Variants in ARHGAP26 observed in about 807,000 individuals in gnomAD.
ARHGAP26 encodes the protein Rho GTPase activating protein 26.
In ARHGAP26, 38 loss-of-function variants were observed where a neutral mutation model predicts 104.8. The observed-to-expected ratio is 0.36, with a 90% CI of 0.28 to 0.48. The LOEUF is 0.48. Ranked by LOEUF, ARHGAP26 falls within the 20% of genes least tolerant of loss-of-function variation. The probability of loss-of-function intolerance (pLI) is 0.99; values close to 1 mark genes in which losing one functional copy is unlikely to be tolerated. For missense variants in ARHGAP26, 704 were observed against 947.9 expected (o/e 0.74, Z 3.38); for synonymous variants, 341 against 340.0 (o/e 1.00, Z -0.03).
At chr5:142,975,730 G>A (rs114016711) in intron 11 of ARHGAP26, among the ~76,000 whole-genome samples, 3,552 of 152,120 alleles carry the variant, frequency 0.023, 60 homozygotes, top group Middle Eastern at 0.051. Context: ...ATTACCCAGC[G>A]TCCCTGAGAT....
At chr5:142,955,302 A>G (rs1380855110) in intron 11 of ARHGAP26, among the ~76,000 whole-genome samples, 1 of 151,908 alleles carries the variant, frequency 6.6e-6, no homozygotes, top group East Asian at 1.9e-4. Flanking sequence ...CCCTGTCTCA[A>G]AAAAAAAATT....
Position 142,871,304 on chromosome 5 carries a change from A to T in ARHGAP26, c.155-2096A>T, listed in dbSNP as rs951394934. Among the ~76,000 whole-genome samples the T allele has an allele frequency of 1.3e-5, 2 of 152,166 alleles. No individual in the cohort carries two copies. The highest frequency in any genetic ancestry group is 2.9e-5 in the Non-Finnish European group (2 of 68,034). ...CCTCACAAAGGCCCCGTTGTGCATG[A>T]CCAGCCACTCCCTGATCCTCCTGGC... On this transcript the variant is annotated intron_variant, in intron 1 of 22. Coordinates refer to ENST00000645722, the MANE Select transcript of ARHGAP26 (RefSeq NM_001135608.3). The surrounding 1 kb of genome is among the most constrained non-coding windows in gnomAD (Gnocchi z 4.1).
At chr5:143,038,719 CAG>C (rs1467452436) in intron 13 of ARHGAP26, among the ~76,000 whole-genome samples, 3 of 78,132 alleles carry the variant, frequency 3.8e-5, no homozygotes, top group South Asian at 9.4e-4. Context: ...TTTTTTGAGA[CAG>C]AGTCTCTTTC....
At chr5:143,031,158 G>A (rs1051856922) in intron 12 of ARHGAP26, among the ~76,000 whole-genome samples, 2 of 152,242 alleles carry the variant, frequency 1.3e-5, no homozygotes, top group African/African-American at 4.8e-5. Context: ...GTGTGGCTAG[G>A]TGCTCAGAGC....
intron 11 of ARHGAP26, among the ~76,000 whole-genome samples, chr5:142,970,092 A>T (rs1305164695): frequency 6.6e-6 from 1 of 152,232 alleles, no homozygotes; most frequent in Non-Finnish European, 1.5e-5. Flanking sequence ...TGTTAAGCAG[A>T]TGAACAGGGT....
intron 12 of ARHGAP26, among the ~76,000 whole-genome samples, chr5:143,031,062 G>A (rs1448206347): frequency 6.6e-6 from 1 of 152,262 alleles, no homozygotes; most frequent in Non-Finnish European, 1.5e-5. Flanking sequence ...GGTAATGTGA[G>A]TTGGGAGCCA....
chr5:142,830,586 G>T (rs1342027638), intron 1 of ARHGAP26, among the ~76,000 whole-genome samples: 2 of 152,120 alleles, frequency 1.3e-5, no homozygotes, highest in African/African-American at 4.8e-5. Context: ...ATATAGCTGT[G>T]CAGGTGGATA....
chr5:142,956,545 C>T (rs1769277497), intron 11 of ARHGAP26, among the ~76,000 whole-genome samples: 2 of 152,140 alleles, frequency 1.3e-5, no homozygotes, highest in South Asian at 4.1e-4. Flanking sequence ...CCACTCCATT[C>T]CAGCCTGGGT....
intron 10 of ARHGAP26, among the ~76,000 whole-genome samples, chr5:142,918,482 A>G (rs369094483): frequency 2.6e-5 from 4 of 152,174 alleles, no homozygotes; most frequent in African/African-American, 4.8e-5. Flanking sequence ...ATTTCTAGAA[A>G]TCTACTTTTA....
At position 143,226,784 on chromosome 5, in the gene ARHGAP26, G is replaced by A. The variant is rs182830496; in HGVS notation, c.*4338G>A. ...CATTTCCTCTCACCGAGTGCTTTTC[G>A]GTGAGAGGCAAAGAGAAAGAATGAA... On this transcript the variant is annotated 3_prime_UTR_variant, in exon 23 of 23. Coordinates refer to ENST00000645722, the MANE Select transcript of ARHGAP26 (RefSeq NM_001135608.3). The A allele has an allele frequency of 7.6e-3, 1,676 of 219,502 alleles. 9 individuals are homozygous for A. The highest frequency in any genetic ancestry group is 0.012 in the Non-Finnish European group (1,285 of 109,546). The allele number at this position is 219,502 out of a possible 1,614,324, so 13.6% of individuals were successfully genotyped here. A position where few individuals can be genotyped will look rare whatever the true frequency, so the allele number is the denominator to read the frequency against.
chr5:142,888,633 C>T (rs185231484), intron 5 of ARHGAP26, among the ~76,000 whole-genome samples: 1 of 152,328 alleles, frequency 6.6e-6, no homozygotes, highest in East Asian at 1.9e-4. Context: ...CAGCCCATCC[C>T]TAGATCCCTG....
intron 5 of ARHGAP26, among the ~76,000 whole-genome samples, chr5:142,890,152 AT>A (rs1452160045): frequency 0.077 from 1,668 of 21,768 alleles, 164 homozygotes; most frequent in African/African-American, 0.17. Context: ...AAAAAAAAAA[AT>A]ATATATATAT....
intron 1 of ARHGAP26, among the ~76,000 whole-genome samples, chr5:142,857,508 A>C (rs551519898): frequency 6.6e-6 from 1 of 152,138 alleles, no homozygotes; most frequent in African/African-American, 2.4e-5. Flanking sequence ...CTGCTCATGC[A>C]TGCCTCTGGC....
At chr5:142,925,869 A>C (rs1403752719) in intron 10 of ARHGAP26, among the ~76,000 whole-genome samples, 1 of 152,196 alleles carries the variant, frequency 6.6e-6, no homozygotes, top group East Asian at 1.9e-4. Flanking sequence ...TGAATGAGTA[A>C]ATTCTAGATC....
chr5:142,923,324 G>A (rs1763452692), intron 10 of ARHGAP26, among the ~76,000 whole-genome samples: 1 of 151,942 alleles, frequency 6.6e-6, no homozygotes, highest in Admixed American at 6.6e-5. Flanking sequence ...AACCAAAAAT[G>A]AGCTATTATG....
intron 21 of ARHGAP26, 78 bp from the exon 22 acceptor site, chr5:143,213,919 G>A (rs1031186346): frequency 1.0e-5 from 10 of 972,762 alleles, no homozygotes; most frequent in Non-Finnish European, 1.6e-5. Flanking sequence ...ACAGGGAAAG[G>A]GAAGAAGAGA....
chr5:142,962,453 C>A (rs1196380208), intron 11 of ARHGAP26, among the ~76,000 whole-genome samples: 2 of 152,050 alleles, frequency 1.3e-5, no homozygotes, highest in African/African-American at 4.8e-5. Context: ...CCTTTATGCC[C>A]CATTTCTAGA....
chr5:143,196,220 A>G (rs186033178), intron 20 of ARHGAP26, among the ~76,000 whole-genome samples: 2 of 151,884 alleles, frequency 1.3e-5, no homozygotes, highest in Middle Eastern at 3.4e-3. Flanking sequence ...GCTGGTGTCC[A>G]CATCTCTTGC....
chr5:143,009,019 T>G (rs1224989058), intron 11 of ARHGAP26, among the ~76,000 whole-genome samples: 1 of 152,170 alleles, frequency 6.6e-6, no homozygotes, highest in Non-Finnish European at 1.5e-5. Flanking sequence ...TTGCAGCTTC[T>G]GGGTAAGGAC....
Sources: gnomAD v4.1 joint callset for allele counts (sites outside exome capture counted in the v4.1 genomes callset) on GRCh38, gnomAD v4.1.1 for gene constraint, Gnocchi (gnomAD v3.1) non-coding constraint, MANE v1.5 for transcripts, NCBI Gene and HGNC (gene_info 2026-07-23, HGNC 2026-07-21) for gene names.